FMNL2: variants seen among roughly 807,000 people sequenced by gnomAD.
FMNL2 encodes formin-like protein 2.
A neutral mutation model predicts 130.2 loss-of-function variants in FMNL2; 51 were observed. The ratio of observed to expected loss-of-function variants is 0.39; its 90% CI spans 0.31 to 0.49. FMNL2 has a LOEUF of 0.49. Among genes scored for constraint, FMNL2 ranks in the 20% least tolerant of loss-of-function variants. The pLI, the probability that FMNL2 is intolerant of heterozygous loss-of-function variation, is 0.85. For synonymous variants in FMNL2, 465 were observed against 467.1 expected, an observed-to-expected ratio of 1.00 and a Z score of 0.06; for missense variants, 977 against 1,316.2, an observed-to-expected ratio of 0.74 and a Z score of 3.99.
At chr2:152,355,097 A>G (rs949415011) in intron 1 of FMNL2, among the ~76,000 whole-genome samples, 4 of 152,172 alleles carry the variant, frequency 2.6e-5, no homozygotes, top group African/African-American at 4.8e-5. Flanking sequence ...TGGCCTAGCC[A>G]TGTGACTCAT....
chr2:152,486,869 T>C (rs1281496528), intron 1 of FMNL2, among the ~76,000 whole-genome samples: 1 of 152,196 alleles, frequency 6.6e-6, no homozygotes, highest in African/African-American at 2.4e-5. Context: ...ATCCTACTAT[T>C]TGAGGGTTTA....
At chr2:152,589,779 C>T (rs1697284677) in intron 9 of FMNL2, among the ~76,000 whole-genome samples, 1 of 151,448 alleles carries the variant, frequency 6.6e-6, no homozygotes, top group Non-Finnish European at 1.5e-5. Flanking sequence ...CGTGAAAGGC[C>T]TATTTAAGGA....
At chr2:152,436,158 G>C (rs974195848) in intron 1 of FMNL2, among the ~76,000 whole-genome samples, 1 of 151,170 alleles carries the variant, frequency 6.6e-6, no homozygotes, top group Non-Finnish European at 1.5e-5. Context: ...TCACCCCATT[G>C]CTTTTTTTAT....
At chr2:152,591,893 G>A (rs1225996023) in intron 9 of FMNL2, among the ~76,000 whole-genome samples, 1 of 152,134 alleles carries the variant, frequency 6.6e-6, no homozygotes, top group Admixed American at 6.5e-5. Flanking sequence ...CACAAGGTCT[G>A]GAGTTAGAGA....
At chr2:152,336,289 G>A (rs1681442085) in intron 1 of FMNL2, among the ~76,000 whole-genome samples, 1 of 152,150 alleles carries the variant, frequency 6.6e-6, no homozygotes, top group Non-Finnish European at 1.5e-5. Flanking sequence ...TCCCCGAAAG[G>A]GAAAGCGGAG....
At chr2:152,375,536 A>G (rs1426649855) in intron 1 of FMNL2, among the ~76,000 whole-genome samples, 1 of 152,196 alleles carries the variant, frequency 6.6e-6, no homozygotes, top group African/African-American at 2.4e-5. Context: ...AGATGACAAG[A>G]CTTACTAAAA....
At chr2:152,439,079 TTGTGTGTG>T (rs10539703) in intron 1 of FMNL2, among the ~76,000 whole-genome samples, 17 of 144,580 alleles carry the variant, frequency 1.2e-4, no homozygotes, top group Admixed American at 5.5e-4. Context: ...TTCAGTTTAA[TTGTGTGTG>T]TGTGTGTGTG....
intron 1 of FMNL2, among the ~76,000 whole-genome samples, chr2:152,369,521 G>C (rs752681134): frequency 6.6e-6 from 1 of 152,186 alleles, no homozygotes; most frequent in Non-Finnish European, 1.5e-5. Flanking sequence ...CTGAATCCCT[G>C]CTAATCCTCA....
chr2:152,505,607 C>T (rs6755173), intron 1 of FMNL2, among the ~76,000 whole-genome samples: 1,991 of 152,252 alleles, frequency 0.013, 49 homozygotes, highest in African/African-American at 0.046. Flanking sequence ...GAGCCTAATT[C>T]GTCAGTAGCT....
intron 6 of FMNL2, among the ~76,000 whole-genome samples, chr2:152,566,958 A>T (rs1400137604): frequency 6.6e-6 from 1 of 152,166 alleles, no homozygotes; most frequent in Non-Finnish European, 1.5e-5. Context: ...CCTTTAGGAG[A>T]CAGTGAAGAG....
intron 7 of FMNL2, among the ~76,000 whole-genome samples, chr2:152,577,905 G>T (rs1237793270): frequency 6.6e-6 from 1 of 152,184 alleles, no homozygotes; most frequent in East Asian, 1.9e-4. Context: ...GGCAGTGGCT[G>T]AACACAGGTT....
intron 1 of FMNL2, among the ~76,000 whole-genome samples, chr2:152,461,391 G>C (rs1044253280): frequency 6.6e-6 from 1 of 151,888 alleles, no homozygotes; most frequent in Non-Finnish European, 1.5e-5. Context: ...TTGAGATCTG[G>C]TGTATGATTT....
At chr2:152,457,390 A>G (rs1253289452) in intron 1 of FMNL2, among the ~76,000 whole-genome samples, 4 of 152,194 alleles carry the variant, frequency 2.6e-5, no homozygotes, top group African/African-American at 7.2e-5. Flanking sequence ...GTTTTTCAAG[A>G]TAAGTGAGGC....
chr2:152,618,731 G>C, intron 13 of FMNL2, 115 bp from the exon 14 acceptor site: 1 of 890,658 alleles, frequency 1.1e-6, no homozygotes. Flanking sequence ...GAATTCCAAA[G>C]AATTCCCATT....
chr2:152,645,804 T>C (rs1312302593), intron 25 of FMNL2, among the ~76,000 whole-genome samples: 1 of 152,178 alleles, frequency 6.6e-6, no homozygotes, highest in African/African-American at 2.4e-5. Context: ...TTTGAGTTAC[T>C]CAGTTAAACC....
At chr2:152,535,187 A>G (rs60309166) in intron 2 of FMNL2, among the ~76,000 whole-genome samples, 5,954 of 152,206 alleles carry the variant, frequency 0.039, 153 homozygotes, top group Middle Eastern at 0.068. Flanking sequence ...CCTTTGTGCA[A>G]TTTTCATAAA....
chr2:152,616,063 G>A (rs1351881395), intron 12 of FMNL2, among the ~76,000 whole-genome samples: 1 of 152,130 alleles, frequency 6.6e-6, no homozygotes, highest in Non-Finnish European at 1.5e-5. Flanking sequence ...AACCCAATCA[G>A]TGTAAATCTC....
intron 1 of FMNL2, among the ~76,000 whole-genome samples, chr2:152,464,306 A>G (rs778988036): frequency 6.6e-5 from 10 of 152,062 alleles, no homozygotes; most frequent in Non-Finnish European, 1.5e-4. Context: ...CAACAAATAG[A>G]ATGGTGGGTT....
At chr2:152,479,764 G>A (rs369543679) in intron 1 of FMNL2, among the ~76,000 whole-genome samples, 4 of 141,800 alleles carry the variant, frequency 2.8e-5, no homozygotes, top group African/African-American at 7.8e-5. Context: ...AGGCTGGAGT[G>A]CAGTGTCGCG....
Sources: gnomAD v4.1 joint callset for allele counts (sites outside exome capture counted in the v4.1 genomes callset) on GRCh38, gnomAD v4.1.1 for gene constraint, MANE v1.5 for transcripts, NCBI Gene and HGNC (gene_info 2026-07-23, HGNC 2026-07-21) for gene names.